The following FDX1 variants were observed in gnomAD, a reference collection of about 807,000 sequenced individuals.
FDX1 encodes the protein adrenodoxin, mitochondrial.
A neutral mutation model predicts 14.9 loss-of-function variants in FDX1; 9 were observed. The ratio of observed to expected loss-of-function variants is 0.60; its 90% CI spans 0.36 to 1.05. FDX1 has a LOEUF of 1.05. Among genes scored for constraint, FDX1 ranks in the 50% least tolerant of loss-of-function variants. The pLI is 0.01. For missense variants in FDX1, 204 were observed against 237.2 expected (o/e 0.86, Z 0.92); for synonymous variants, 92 against 99.4 (o/e 0.93, Z 0.44).
intron 2 of FDX1, among the ~76,000 whole-genome samples, chr11:110,450,223 A>G (rs977264853): frequency 5.3e-5 from 8 of 151,942 alleles, no homozygotes; most frequent in African/African-American, 7.3e-5. Flanking sequence ...TAATTATACA[A>G]CTCATCATAA....
intron 1 of FDX1, among the ~76,000 whole-genome samples, chr11:110,434,429 C>T (rs1179312857): frequency 4.0e-5 from 6 of 150,402 alleles, no homozygotes; most frequent in South Asian, 2.1e-4. Flanking sequence ...CTCTGCCTTC[C>T]GGGTTCAAGC....
chr11:110,429,690 G>A (rs1466739689), upstream of FDX1, among the ~76,000 whole-genome samples: 2 of 152,112 alleles, frequency 1.3e-5, no homozygotes, highest in Non-Finnish European at 2.9e-5. Context: ...TTAACGGCTA[G>A]GGGATGGGGG....
At chr11:110,455,436 A>G (rs1297724264) in intron 2 of FDX1, among the ~76,000 whole-genome samples, 1 of 152,224 alleles carries the variant, frequency 6.6e-6, no homozygotes, top group African/African-American at 2.4e-5. Context: ...TGTATATTTC[A>G]TATAATATTT....
At chr11:110,432,269 T>G (rs142467854) in intron 1 of FDX1, among the ~76,000 whole-genome samples, 1 of 152,296 alleles carries the variant, frequency 6.6e-6, no homozygotes, top group African/African-American at 2.4e-5. Context: ...ATCTTTCACG[T>G]GTATTGTTTC....
chr11:110,462,537 T>A lies in FDX1; in HGVS notation c.*69T>A. The A allele has an allele frequency of 1.1e-6, 1 of 873,834 alleles. No homozygotes were observed. Among genetic ancestry groups the A allele is most frequent in the Non-Finnish European group, 1.8e-6 (1 of 559,786 alleles). 54.1% of individuals were successfully genotyped at this position (873,834 alleles called of 1,614,324 possible). A position where few individuals can be genotyped will look rare whatever the true frequency, so the allele number is the denominator to read the frequency against. On this transcript the variant is annotated 3_prime_UTR_variant, in exon 4 of 4. Coordinates refer to ENST00000260270, the MANE Select transcript of FDX1 (RefSeq NM_004109.5). Reference sequence around the variant, plus strand: ...TATAATTATTATTTCTTAAAGTGATTAAATGAGAACATGGATGAGTGGACT... The same window carrying A: ...TATAATTATTATTTCTTAAAGTGATAAAATGAGAACATGGATGAGTGGACT...
intron 2 of FDX1, among the ~76,000 whole-genome samples, chr11:110,438,959 A>T (rs1479601073): frequency 6.6e-6 from 1 of 151,936 alleles, no homozygotes; most frequent in African/African-American, 2.4e-5. Context: ...GCTAGAGTGC[A>T]ATGATGTGAT....
At chr11:110,434,654 C>G (rs1369413778) in intron 1 of FDX1, among the ~76,000 whole-genome samples, 1 of 151,168 alleles carries the variant, frequency 6.6e-6, no homozygotes. Context: ...TTTAGAAGCT[C>G]ACTACAACCC....
In FDX1 at chr11:110,430,303, C is replaced by T; in HGVS notation, c.183C>T (p.Ser61=). The change falls in exon 1 of 4, where the codon AGC becomes AGT. Residue 61 remains serine (S), a splice_region_variant and synonymous_variant. Transcript: ENST00000260270. ...RSLSVSARAR[S]SSEDKITVHF... is the part of the protein sequence containing the mutation. Reference sequence around the variant, plus strand: ...TGAGCGTGTCGGCGCGGGCCCGGAGCAGGTAGGGCGCCGTGCGGGCGCGAT... The same window carrying T: ...TGAGCGTGTCGGCGCGGGCCCGGAGTAGGTAGGGCGCCGTGCGGGCGCGAT... 3 of 1,196,132 alleles carry T rather than the reference C, an allele frequency of 2.5e-6. No homozygotes were observed. The South Asian group carries it at 1.2e-4, about 50-fold the overall frequency. 74.1% of individuals were successfully genotyped at this position (1,196,132 alleles called of 1,614,324 possible).
chr11:110,430,897 C>T (rs1040100402), intron 1 of FDX1, among the ~76,000 whole-genome samples: 12 of 152,206 alleles, frequency 7.9e-5, no homozygotes, highest in East Asian at 1.9e-4. Context: ...AAGTAATCTG[C>T]CGGGACTTGA....
chr11:110,455,462 A>C (rs1365898889), intron 2 of FDX1, among the ~76,000 whole-genome samples: 1 of 152,238 alleles, frequency 6.6e-6, no homozygotes, highest in African/African-American at 2.4e-5. Flanking sequence ...CCAAAAGAGA[A>C]TATAAATCAA....
chr11:110,452,509 C>T (rs1946493006), intron 2 of FDX1, among the ~76,000 whole-genome samples: 1 of 151,754 alleles, frequency 6.6e-6, no homozygotes, highest in East Asian at 1.9e-4. Flanking sequence ...TGGACCTGAA[C>T]TTGTATGTGT....
At chr11:110,446,978 C>G (rs1946453936) in intron 2 of FDX1, among the ~76,000 whole-genome samples, 1 of 152,070 alleles carries the variant, frequency 6.6e-6, no homozygotes, top group Admixed American at 6.6e-5. Flanking sequence ...AGTTTGAGAC[C>G]AGCCTGGGCA....
At chr11:110,434,471 G>C (rs1946354223) in intron 1 of FDX1, among the ~76,000 whole-genome samples, 1 of 151,684 alleles carries the variant, frequency 6.6e-6, no homozygotes, top group African/African-American at 2.4e-5. Flanking sequence ...CGAGTAGCTG[G>C]GATTACAGGC....
At chr11:110,431,792 A>C (rs1213946577) in intron 1 of FDX1, among the ~76,000 whole-genome samples, 2 of 152,116 alleles carry the variant, frequency 1.3e-5, no homozygotes, top group African/African-American at 4.8e-5. Flanking sequence ...GAGCACGTCT[A>C]TTTCCTCATA....
intron 3 of FDX1, among the ~76,000 whole-genome samples, chr11:110,458,549 G>GTTCATATAC (rs1219917121): frequency 1.3e-5 from 2 of 151,966 alleles, no homozygotes; most frequent in Non-Finnish European, 2.9e-5. Context: ...CAGCCTTTTA[G>GTTCATATAC]TTCATATACT....
At chr11:110,460,003 A>G (rs1374799639) in intron 3 of FDX1, among the ~76,000 whole-genome samples, 1 of 152,180 alleles carries the variant, frequency 6.6e-6, no homozygotes, top group Non-Finnish European at 1.5e-5. Flanking sequence ...TTCCCTTACT[A>G]AAGTAACCGT....
intron 2 of FDX1, among the ~76,000 whole-genome samples, chr11:110,454,371 G>C (rs1946508331): frequency 6.6e-6 from 1 of 152,148 alleles, no homozygotes; most frequent in Admixed American, 6.6e-5. Context: ...CTGGCTACTG[G>C]TACAAAAAGC....
chr11:110,459,090 G>A (rs1372425256), intron 3 of FDX1, among the ~76,000 whole-genome samples: 3 of 152,044 alleles, frequency 2.0e-5, no homozygotes, highest in East Asian at 3.9e-4. Flanking sequence ...AACTGCTTGC[G>A]GAATTAATAG....
chr11:110,440,706 G>T (rs1019412415), intron 2 of FDX1, among the ~76,000 whole-genome samples: 25 of 152,182 alleles, frequency 1.6e-4, no homozygotes, highest in African/African-American at 6.0e-4. Flanking sequence ...CATTGGAATG[G>T]ATGCTAAACA....
Sources: allele counts gnomAD v4.1 joint callset (sites outside exome capture counted in the v4.1 genomes callset), GRCh38; gene constraint gnomAD v4.1.1; transcripts MANE v1.5; gene names NCBI Gene and HGNC (gene_info 2026-07-23, HGNC 2026-07-21).